ZBTB20: variants seen among roughly 807,000 people sequenced by gnomAD.
ZBTB20 encodes zinc finger and BTB domain-containing protein 20.
A neutral mutation model predicts 56.9 loss-of-function variants in ZBTB20; 9 were observed. That is an observed-to-expected ratio of 0.16 (90% confidence interval 0.10 to 0.28). The LOEUF (loss-of-function observed/expected upper bound fraction) is 0.28. ZBTB20 is among the 10% of genes least tolerant of loss of function. The pLI, the probability that ZBTB20 is intolerant of heterozygous loss-of-function variation, is 1.00. For synonymous variants in ZBTB20, 417 were observed against 420.7 expected (o/e 0.99, Z 0.11); for missense variants, 655 against 1,003.0 (o/e 0.65, Z 4.69).
At chr3:114,528,042 T>C (rs1338180122) in intron 6 of ZBTB20, among the ~76,000 whole-genome samples, 1 of 151,660 alleles carries the variant, frequency 6.6e-6, no homozygotes, top group African/African-American at 2.4e-5. Context: ...GTGATTTCAC[T>C]ACATGGACAA....
intron 6 of ZBTB20, among the ~76,000 whole-genome samples, chr3:114,555,298 T>C (rs900850991): frequency 6.6e-6 from 1 of 152,114 alleles, no homozygotes; most frequent in African/African-American, 2.4e-5. Flanking sequence ...CTTTTTAATT[T>C]ATTGCAGATG....
intron 6 of ZBTB20, among the ~76,000 whole-genome samples, chr3:114,692,743 T>G (rs2062774154): frequency 6.6e-6 from 1 of 152,132 alleles, no homozygotes; most frequent in Admixed American, 6.6e-5. Flanking sequence ...ACCTGCACTC[T>G]TCTCCCAGTC....
Position 114,327,482 on chromosome 3 carries a change from AAAG to A in ZBTB20, c.*11520_*11522del, listed in dbSNP as rs1434849947. ...ACCAGGAGTTAGAATGGACAAAGAA[AAAG>A]AAGGATATAGGATTGATTGGGAGAA... is the stretch of plus-strand genomic sequence containing the variant. On this transcript the variant is annotated 3_prime_UTR_variant, in exon 12 of 12. Coordinates refer to ENST00000675478, the MANE Select transcript of ZBTB20 (RefSeq NM_001348800.3). The A allele has an allele frequency of 6.6e-6, 1 of 152,210 alleles. No homozygotes were observed. Among genetic ancestry groups the A allele is most frequent in the Non-Finnish European group, 1.5e-5 (1 of 68,034 alleles). 9.4% of individuals were successfully genotyped at this position (152,210 alleles called of 1,614,324 possible). A position where few individuals can be genotyped will look rare whatever the true frequency, so the allele number is the denominator to read the frequency against.
chr3:114,712,098 C>T (rs759231880), intron 5 of ZBTB20, among the ~76,000 whole-genome samples: 16 of 152,106 alleles, frequency 1.1e-4, no homozygotes, highest in South Asian at 6.2e-4. Context: ...GCCAGTATGA[C>T]GTGATTATCA....
At chr3:114,663,084 T>G (rs1461456605) in intron 6 of ZBTB20, among the ~76,000 whole-genome samples, 1 of 150,450 alleles carries the variant, frequency 6.6e-6, no homozygotes, top group Admixed American at 6.7e-5. Context: ...GACACACAAT[T>G]GTCAGATTCA....
chr3:114,734,273 A>C (rs902821948), intron 5 of ZBTB20, among the ~76,000 whole-genome samples: 1 of 152,016 alleles, frequency 6.6e-6, no homozygotes, highest in Non-Finnish European at 1.5e-5. Context: ...GTATTATATA[A>C]ATTTAAAAAA....
intron 4 of ZBTB20, among the ~76,000 whole-genome samples, chr3:114,822,289 T>TA (rs1199719608): frequency 1.3e-5 from 2 of 152,078 alleles, no homozygotes; most frequent in African/African-American, 4.8e-5. Context: ...GTTTTTGCCT[T>TA]AAAAAGATAT....
At chr3:115,063,760 T>C (rs937228004) in intron 2 of ZBTB20, among the ~76,000 whole-genome samples, 2 of 152,098 alleles carry the variant, frequency 1.3e-5, no homozygotes, top group Non-Finnish European at 1.5e-5. Context: ...TCCAAAACTT[T>C]GACCCTCTGC....
At chr3:114,928,767 T>C (rs941182156) in intron 3 of ZBTB20, among the ~76,000 whole-genome samples, 1 of 152,166 alleles carries the variant, frequency 6.6e-6, no homozygotes, top group Admixed American at 6.5e-5. Context: ...CAATGAGAAA[T>C]GTGCTGTAAA....
chr3:114,710,201 T>C (rs570957399), intron 5 of ZBTB20: 2 of 152,304 alleles, frequency 1.3e-5, no homozygotes, highest in Non-Finnish European at 2.9e-5. Context: ...TTTTAAAAAA[T>C]AGCAGACTGA....
At chr3:114,635,564 T>C (rs2059215403) in intron 6 of ZBTB20, among the ~76,000 whole-genome samples, 2 of 151,938 alleles carry the variant, frequency 1.3e-5, no homozygotes, top group Non-Finnish European at 2.9e-5. Context: ...AGGAAAAAGA[T>C]ACAAGAACAA....
intron 4 of ZBTB20, among the ~76,000 whole-genome samples, chr3:114,835,330 T>G (rs562930335): frequency 6.6e-6 from 1 of 152,116 alleles, no homozygotes; most frequent in Non-Finnish European, 1.5e-5. Flanking sequence ...ATTTGGATTT[T>G]TTTTTGTCAT....
chr3:114,745,795 A>T (rs997717906), intron 5 of ZBTB20, among the ~76,000 whole-genome samples: 3 of 152,178 alleles, frequency 2.0e-5, no homozygotes, highest in Non-Finnish European at 2.9e-5. Flanking sequence ...AATCATAATA[A>T]TAATAGTAAT....
chr3:114,974,590 T>G (rs1459648979), intron 2 of ZBTB20, among the ~76,000 whole-genome samples, 174 bp from the exon 3 acceptor site: 3 of 152,186 alleles, frequency 2.0e-5, no homozygotes, highest in African/African-American at 2.4e-5. Context: ...CAGTAAAACG[T>G]GGCCCAAATA....
In ZBTB20 at chr3:114,335,478, AG is replaced by A. The variant is rs1486244786; in HGVS notation, c.*3526del. The stretch of plus-strand genomic sequence containing the variant: ...TAAAAGTGAGAATTGACAATCTAAA[AG>A]CATCTCTATCCTTTTGAAACAGGTC... On this transcript the variant is annotated 3_prime_UTR_variant, in exon 12 of 12. Transcript: ENST00000675478. The A allele has an allele frequency of 3.9e-5, 6 of 152,238 alleles. No homozygotes were observed. Among genetic ancestry groups the A allele is most frequent in the African/African-American group, 1.4e-4 (6 of 41,460 alleles). The allele number at this position is 152,238 out of a possible 1,614,324, so 9.4% of individuals were successfully genotyped here.
At chr3:114,654,521 C>G (rs1011565996) in intron 6 of ZBTB20, among the ~76,000 whole-genome samples, 1 of 151,888 alleles carries the variant, frequency 6.6e-6, no homozygotes. Flanking sequence ...GTTTGAAACT[C>G]ATTTGATGAA....
At position 114,350,695 on chromosome 3, in the gene ZBTB20, C is replaced by G; in HGVS notation, c.1383G>C (p.Ser461=). 3 of 1,614,166 alleles carry G rather than the reference C, an allele frequency of 1.9e-6. No homozygotes were observed. The highest frequency in any genetic ancestry group is 2.5e-6 in the Non-Finnish European group (3 of 1,180,028). The change falls in exon 11 of 12, where the codon TCG becomes TCC. Residue 461 remains serine (S), a synonymous_variant. Transcript: ENST00000675478. ...SSDKSVLQQP[S]VNTSIGQPLP... ...ATGGCTGCCCGATGGACGTGTTGAC[C>G]GAAGGCTGTTGTAGGACGCTCTTGT...
At chr3:114,387,391 A>G (rs1485109305) in intron 8 of ZBTB20, 2 of 152,224 alleles carry the variant, frequency 1.3e-5, no homozygotes, top group African/African-American at 4.8e-5. Flanking sequence ...CAAAGACTGC[A>G]AAGATTATAA....
At chr3:114,707,988 C>G (rs2063820410) in intron 5 of ZBTB20, among the ~76,000 whole-genome samples, 1 of 152,180 alleles carries the variant, frequency 6.6e-6, no homozygotes, top group African/African-American at 2.4e-5. Context: ...GGAATCATAT[C>G]TCCTCCACGT....
Sources: allele counts gnomAD v4.1 joint callset (sites outside exome capture counted in the v4.1 genomes callset), GRCh38; gene constraint gnomAD v4.1.1; transcripts MANE v1.5; gene names NCBI Gene and HGNC (gene_info 2026-07-23, HGNC 2026-07-21).